The following BANF2 variants were observed in gnomAD, a reference collection of about 807,000 sequenced individuals.
BANF2 encodes the protein BANF family member 2.
BANF2 carries 4 observed loss-of-function variants against 8.0 expected under a neutral mutation model. The observed-to-expected ratio is 0.50, with a 90% confidence interval of 0.25 to 1.14. BANF2 has a LOEUF of 1.14. Among genes scored for constraint, BANF2 ranks in the 50% most tolerant of loss-of-function variants. BANF2 has a pLI of 0.16. For missense variants in BANF2, 96 were observed against 107.5 expected, an observed-to-expected ratio of 0.89 and a Z score of 0.47; for synonymous variants, 50 against 40.6, an observed-to-expected ratio of 1.23 and a Z score of -0.88.
intron 1 of BANF2, among the ~76,000 whole-genome samples, chr20:17,702,564 T>C (rs1249006820): frequency 1.3e-5 from 2 of 152,198 alleles, no homozygotes; most frequent in African/African-American, 4.8e-5. Context: ...CCAGTTTCCA[T>C]GGATGAGGCC....
intron 3 of BANF2, among the ~76,000 whole-genome samples, chr20:17,728,620 G>GA (rs2037846333): frequency 6.6e-6 from 1 of 152,108 alleles, no homozygotes; most frequent in Non-Finnish European, 1.5e-5. Context: ...ATTTTTCCCA[G>GA]AGCTTTGGCT....
chr20:17,729,046 G>GA (rs1335365007), intron 3 of BANF2, among the ~76,000 whole-genome samples: 3 of 152,164 alleles, frequency 2.0e-5, no homozygotes, highest in African/African-American at 7.2e-5. Context: ...TGGCTACTAG[G>GA]AAAATCAAAA....
chr20:17,716,841 C>CAAAAAAA (rs36007590), intron 1 of BANF2, among the ~76,000 whole-genome samples: 8 of 89,866 alleles, frequency 8.9e-5, no homozygotes, highest in Admixed American at 2.8e-4. Flanking sequence ...GACTCCATCT[C>CAAAAAAA]AAAAAAAAAA....
intron 1 of BANF2, among the ~76,000 whole-genome samples, chr20:17,702,741 T>C (rs2037427631): frequency 1.3e-5 from 2 of 152,222 alleles, no homozygotes; most frequent in Non-Finnish European, 2.9e-5. Flanking sequence ...ACACATGGTC[T>C]GACCTTGAAC....
At chr20:17,732,872 G>A (rs559432196) in intron 3 of BANF2, among the ~76,000 whole-genome samples, 2 of 152,340 alleles carry the variant, frequency 1.3e-5, no homozygotes, top group African/African-American at 4.8e-5. Flanking sequence ...GCTTTCTGGA[G>A]CCGGGGGAGA....
At chr20:17,719,850 C>T (rs1193212058) in intron 1 of BANF2, among the ~76,000 whole-genome samples, 1 of 152,156 alleles carries the variant, frequency 6.6e-6, no homozygotes, top group African/African-American at 2.4e-5. Flanking sequence ...GAGCTGCGAG[C>T]ATGTGCCATA....
intron 2 of BANF2, among the ~76,000 whole-genome samples, chr20:17,723,765 T>A (rs1568816941): frequency 6.6e-6 from 1 of 152,090 alleles, no homozygotes; most frequent in Non-Finnish European, 1.5e-5. Context: ...GAGACCGAGG[T>A]GGGTGGATCA....
intron 3 of BANF2, among the ~76,000 whole-genome samples, chr20:17,734,875 T>G (rs1301811682): frequency 6.6e-6 from 1 of 152,088 alleles, no homozygotes; most frequent in Non-Finnish European, 1.5e-5. Flanking sequence ...TCACCCGAGA[T>G]CAGGAGTTCG....
intron 1 of BANF2, among the ~76,000 whole-genome samples, chr20:17,694,191 G>T (rs1290913293): frequency 5.9e-5 from 9 of 152,242 alleles, no homozygotes; most frequent in Non-Finnish European, 8.8e-5. Context: ...CCACAAGGTG[G>T]TATGGGATGG....
At chr20:17,701,658 A>G (rs2037410667) in intron 1 of BANF2, among the ~76,000 whole-genome samples, 1 of 152,066 alleles carries the variant, frequency 6.6e-6, no homozygotes, top group Non-Finnish European at 1.5e-5. Context: ...TACTTTGCCC[A>G]CCCTCTGCGA....
rs1049592303 is a variant in BANF2, at chr20:17,719,130, G to A, written c.-166-3586G>A. ...GTTGTTGTTGTTGTTGTTCTGTTTC[G>A]TTTTGTTTTTTGAGATGGAGTTTCA... On this transcript the variant is annotated intron_variant, in intron 1 of 3. Coordinates refer to ENST00000246090, the MANE Select transcript of BANF2 (RefSeq NM_178477.5). Among the ~76,000 whole-genome samples the A allele has an allele frequency of 6.6e-5, 10 of 151,884 alleles. No individual in the cohort carries two copies. In the East Asian group the frequency reaches 1.2e-3, roughly 18 times the overall value.
At chr20:17,711,729 G>A (rs2037576754) in intron 1 of BANF2, among the ~76,000 whole-genome samples, 1 of 152,184 alleles carries the variant, frequency 6.6e-6, no homozygotes, top group Non-Finnish European at 1.5e-5. Flanking sequence ...GTGTCTCCAG[G>A]TGTAGCAGCT....
intron 1 of BANF2, among the ~76,000 whole-genome samples, chr20:17,719,787 A>G (rs1478684406): frequency 6.6e-6 from 1 of 151,364 alleles, no homozygotes; most frequent in Non-Finnish European, 1.5e-5. Context: ...CTTCCTATTG[A>G]TGGCTAATGA....
At chr20:17,735,628 C>A in intron 3 of BANF2, 37 bp from the exon 4 acceptor site, 2 of 1,602,996 alleles carry the variant, frequency 1.2e-6, no homozygotes, top group Non-Finnish European at 1.7e-6. Context: ...TTATGATAAC[C>A]TTTCCTGCTT....
chr20:17,725,692 G>A lies in BANF2; in HGVS notation c.126+541G>A, dbSNP rs1207376343. 2.0e-5 allele frequency among the ~76,000 whole-genome samples: 3 copies of A among 152,170 alleles called. No individual in the cohort carries two copies. In the East Asian group the frequency reaches 5.8e-4, roughly 29 times the overall value. The stretch of plus-strand genomic sequence containing the variant: ...CTACGTCATTGTTTGTTTTTATGGG[G>A]CTTTTAAAAAGCTGCTTAGGGCCTC... On this transcript the variant is annotated intron_variant, in intron 3 of 3. Coordinates refer to ENST00000246090, the MANE Select transcript of BANF2 (RefSeq NM_178477.5).
upstream of BANF2, among the ~76,000 whole-genome samples, chr20:17,695,099 C>T (rs1176151697): frequency 3.3e-5 from 5 of 152,070 alleles, no homozygotes; most frequent in Non-Finnish European, 5.9e-5. Context: ...TTATAGACCA[C>T]CATAAGCACT....
chr20:17,711,028 C>G (rs1166574067), intron 1 of BANF2, among the ~76,000 whole-genome samples: 4 of 152,228 alleles, frequency 2.6e-5, no homozygotes, highest in African/African-American at 9.6e-5. Flanking sequence ...TGTATAAGTA[C>G]AGTCTGTGAA....
intron 1 of BANF2, among the ~76,000 whole-genome samples, chr20:17,708,245 GA>G (rs1195058823): frequency 6.6e-6 from 1 of 151,516 alleles, no homozygotes; most frequent in Non-Finnish European, 1.5e-5. Context: ...AAAACAAACA[GA>G]AAAAAACCTG....
At chr20:17,721,769 G>C (rs1352711749) in intron 1 of BANF2, among the ~76,000 whole-genome samples, 1 of 152,206 alleles carries the variant, frequency 6.6e-6, no homozygotes, top group Non-Finnish European at 1.5e-5. Context: ...TGACTGATAA[G>C]ATCCTGGGTC....
Sources: gnomAD v4.1 joint callset for allele counts (sites outside exome capture counted in the v4.1 genomes callset) on GRCh38, gnomAD v4.1.1 for gene constraint, MANE v1.5 for transcripts, NCBI Gene and HGNC (gene_info 2026-07-23, HGNC 2026-07-21) for gene names.